VDAC3: variants seen among roughly 807,000 people sequenced by gnomAD.
VDAC3 encodes the protein voltage dependent anion channel 3.
Under a neutral mutation model 33.9 loss-of-function variants are expected in VDAC3, and 7 were observed. The observed-to-expected ratio is 0.21, with a 90% CI of 0.12 to 0.39. VDAC3 has a LOEUF of 0.39. Among genes scored for constraint, VDAC3 ranks in the 10% least tolerant of loss-of-function variants. The pLI is 1.00. For synonymous variants in VDAC3, 100 were observed against 122.4 expected (o/e 0.82, Z 1.21); for missense variants, 261 against 334.5 (o/e 0.78, Z 1.71).
At chr8:42,399,545 A>G (rs1186394187) in intron 5 of VDAC3, 106 bp from the exon 6 acceptor site, 7 of 1,003,914 alleles carry the variant, frequency 7.0e-6, no homozygotes, top group Non-Finnish European at 1.0e-5. Flanking sequence ...TTCTTGAATG[A>G]CTCCTTTTTT....
intron 5 of VDAC3, 62 bp downstream of exon 5, chr8:42,398,926 C>T: frequency 1.3e-6 from 2 of 1,572,932 alleles, no homozygotes; most frequent in South Asian, 1.1e-5. Flanking sequence ...GAATGATGAA[C>T]ATACCCCAAA....
At chr8:42,404,780 T>C in intron 8 of VDAC3, 87 bp from the exon 9 acceptor site, 3 of 1,173,814 alleles carry the variant, frequency 2.6e-6, no homozygotes, top group Non-Finnish European at 3.7e-6. Flanking sequence ...GCTTTTAGCA[T>C]TGGAAACCTA....
chr8:42,393,410 A>C (rs2130884939), intron 1 of VDAC3, among the ~76,000 whole-genome samples: 1 of 152,354 alleles, frequency 6.6e-6, no homozygotes, highest in South Asian at 2.1e-4. Context: ...AGAGGAATAC[A>C]GAAGAACCTG....
rs1802485667 is a variant in VDAC3 at position 42,405,611 on chromosome 8, A to G, written c.*149A>G. 6.1e-6 allele frequency: 4 copies of G among 659,620 alleles called. No homozygotes were observed. The highest frequency in any genetic ancestry group is 1.0e-5 in the Non-Finnish European group (4 of 388,380). The allele number at this position is 659,620 out of a possible 1,614,324, so 40.9% of individuals were successfully genotyped here. ...TGTAATCCTCCCCACACTGAAGTCT[A>G]GGGGTTGCGAATCCCTCCTGAGGGA... On this transcript the variant is annotated 3_prime_UTR_variant, in exon 10 of 10. Coordinates refer to ENST00000022615, the MANE Select transcript of VDAC3 (RefSeq NM_005662.7).
intron 4 of VDAC3, chr8:42,397,005 T>G: frequency 4.0e-6 from 1 of 249,236 alleles, no homozygotes. Context: ...TTTCTGAGAT[T>G]TGTACCTGTG....
At chr8:42,399,513 T>C (rs991767560) in intron 5 of VDAC3, 138 bp from the exon 6 acceptor site, 4 of 653,470 alleles carry the variant, frequency 6.1e-6, no homozygotes, top group Non-Finnish European at 1.0e-5. Context: ...AGCTTACTTA[T>C]TACATAATTT....
intron 9 of VDAC3, 88 bp downstream of exon 9, chr8:42,405,012 C>A: frequency 1.6e-6 from 2 of 1,226,424 alleles, no homozygotes; most frequent in Non-Finnish European, 2.4e-6. Flanking sequence ...CCTGTAGTCA[C>A]TGTAAGTTGA....
In VDAC3 at chr8:42,401,911, G is replaced by C; in HGVS notation, c.447G>C (p.Trp149Cys). ...YGWAVLAFEG[W>C]LAGYQMSFDT... is the part of the protein sequence containing the mutation. ...GGGCTGTGTTGGCCTTCGAAGGGTG[G>C]CTTGCTGGCTATCAGATGAGTTTTG... is the stretch of plus-strand genomic sequence containing the variant. Residue 149 changes from tryptophan (W) to cysteine (C), a missense_variant, in exon 7 of 10, where the codon TGG (tryptophan) becomes TGC (cysteine). Coordinates refer to ENST00000022615, the MANE Select transcript of VDAC3 (RefSeq NM_005662.7). 6.2e-7 allele frequency: 1 copy of C among 1,614,212 alleles called. No homozygotes were observed. The highest frequency in any genetic ancestry group is 8.5e-7 in the Non-Finnish European group (1 of 1,180,030).
intron 2 of VDAC3, 124 bp downstream of exon 2, chr8:42,394,008 G>C (rs1802255406): frequency 2.0e-6 from 1 of 497,424 alleles, no homozygotes. Context: ...CGGGAAAACT[G>C]TTTTATTCTC....
At chr8:42,393,292 G>A (rs1824903587) in intron 1 of VDAC3, among the ~76,000 whole-genome samples, 1 of 146,002 alleles carries the variant, frequency 6.8e-6, no homozygotes, top group Admixed American at 6.8e-5. Flanking sequence ...TCATTCAGGC[G>A]TAGCAATTGC....
At position 42,405,619 on chromosome 8, in the gene VDAC3, C is replaced by T. The variant is rs757467967; in HGVS notation, c.*157C>T. 14 of 612,488 alleles carry T rather than the reference C, an allele frequency of 2.3e-5. No individual in the cohort carries two copies. Among genetic ancestry groups the T allele is most frequent in the Non-Finnish European group, 3.4e-5 (12 of 350,820 alleles). 37.9% of individuals were successfully genotyped at this position (612,488 alleles called of 1,614,324 possible). On this transcript the variant is annotated 3_prime_UTR_variant, in exon 10 of 10. Transcript: ENST00000022615. ...TCCCCACACTGAAGTCTAGGGGTTG[C>T]GAATCCCTCCTGAGGGAGATGCTTG... is the stretch of plus-strand genomic sequence containing the variant.
intron 8 of VDAC3, 111 bp from the exon 9 acceptor site, chr8:42,404,756 A>T: frequency 3.0e-6 from 2 of 669,926 alleles, no homozygotes; most frequent in Non-Finnish European, 4.7e-6. Flanking sequence ...GTAATTCTAG[A>T]TTGGCCCTAG....
At chr8:42,400,673 C>CTTTTTTTTTTTTT (rs1188886241) in intron 6 of VDAC3, among the ~76,000 whole-genome samples, 1 of 72,320 alleles carries the variant, frequency 1.4e-5, no homozygotes, top group Non-Finnish European at 2.5e-5. Flanking sequence ...ATATTCTTTT[C>CTTTTTTTTTTTTT]TTTTTTTTTT....
chr8:42,403,193 T>C (rs1802447204), intron 7 of VDAC3, 118 bp from the exon 8 acceptor site: 1 of 1,247,910 alleles, frequency 8.0e-7, no homozygotes, highest in African/African-American at 1.5e-5. Flanking sequence ...AGAAATTTGC[T>C]GAAATCTATA....
chr8:42,400,611 G>A (rs529432417), intron 6 of VDAC3, among the ~76,000 whole-genome samples: 5 of 150,880 alleles, frequency 3.3e-5, no homozygotes, highest in South Asian at 2.1e-4. Flanking sequence ...TGTCTCAGCC[G>A]TAACAACAGG....
chr8:42,397,649 GTATTTTATTT>G (rs746174381), intron 4 of VDAC3: 1 of 152,124 alleles, frequency 6.6e-6, no homozygotes, highest in African/African-American at 2.4e-5. Context: ...GGCAAAGGAT[GTATTTTATTT>G]TATTTTATTT....
chr8:42,394,172 G>T, intron 2 of VDAC3, 38 bp from the exon 3 acceptor site: 1 of 1,560,278 alleles, frequency 6.4e-7, no homozygotes, highest in Non-Finnish European at 8.8e-7. Context: ...AATACTAAAT[G>T]GTTATTTTTA....
intron 5 of VDAC3, 91 bp downstream of exon 5, chr8:42,398,955 T>C: frequency 6.8e-7 from 1 of 1,465,758 alleles, no homozygotes; most frequent in Non-Finnish European, 9.2e-7. Context: ...AAAGAGATCT[T>C]ACAACCTATC....
At chr8:42,393,657 A>G (rs1377338100) in intron 1 of VDAC3, among the ~76,000 whole-genome samples, 188 bp from the exon 2 acceptor site, 2 of 152,320 alleles carry the variant, frequency 1.3e-5, no homozygotes, top group Non-Finnish European at 2.9e-5. Flanking sequence ...TTTCTGGTTA[A>G]TGGGTAAAAT....
Sources: allele counts gnomAD v4.1 joint callset (sites outside exome capture counted in the v4.1 genomes callset), GRCh38; gene constraint gnomAD v4.1.1; transcripts MANE v1.5; gene names NCBI Gene and HGNC (gene_info 2026-07-23, HGNC 2026-07-21).